Variants in MGARP observed in about 807,000 individuals in gnomAD.
The protein encoded by MGARP is protein MGARP.
A neutral mutation model predicts 11.0 loss-of-function variants in MGARP; 12 were observed. The ratio of observed to expected loss-of-function variants is 1.09; its 90% CI spans 0.70 to 1.77. The LOEUF is 1.77. Among genes scored for constraint, MGARP ranks in the 40% most tolerant of loss-of-function variants. The pLI, the probability that MGARP is intolerant of heterozygous loss-of-function variation, is 0.00. For synonymous variants in MGARP, 110 were observed against 115.4 expected (o/e 0.95, Z 0.30); for missense variants, 283 against 297.8 (o/e 0.95, Z 0.36).
Position 139,272,686 on chromosome 4 carries a change from C to CTTTTTTT in MGARP, c.186+2596_186+2602dup, listed in dbSNP as rs774228171. On this transcript the variant is annotated intron_variant, in intron 2 of 3. Coordinates refer to ENST00000398955, the MANE Select transcript of MGARP (RefSeq NM_032623.4). ...ACTAAACATCTCTTTATTCATATTTCTTTTTTTTTTTTTTTTTTTGAGACG... is the reference window on the plus strand; with the variant it reads ...ACTAAACATCTCTTTATTCATATTTCTTTTTTTTTTTTTTTTTTTTTTTTTTGAGACG... Among the ~76,000 whole-genome samples, 24 of 111,218 alleles carry CTTTTTTT rather than the reference C, an allele frequency of 2.2e-4. 1 individual carries two copies. Among genetic ancestry groups the CTTTTTTT allele is most frequent in the Non-Finnish European group, 3.1e-4 (17 of 55,208 alleles). The allele number at this position is 111,218 out of a possible 152,430, so 73.0% of individuals were successfully genotyped here. A position where few individuals can be genotyped will look rare whatever the true frequency, so the allele number is the denominator to read the frequency against.
At chr4:139,275,999 T>C (rs1744863620) in intron 1 of MGARP, among the ~76,000 whole-genome samples, 1 of 152,202 alleles carries the variant, frequency 6.6e-6, no homozygotes, top group Non-Finnish European at 1.5e-5. Flanking sequence ...TACAATTCTG[T>C]ATAAACTAAT....
intron 3 of MGARP, among the ~76,000 whole-genome samples, chr4:139,268,105 A>G (rs928394920): frequency 2.8e-5 from 4 of 141,930 alleles, no homozygotes; most frequent in African/African-American, 1.0e-4. Context: ...TGACAGAGGG[A>G]GAGCCCGTGG....
intron 3 of MGARP, 65 bp downstream of exon 3, chr4:139,268,607 C>T (rs2110729490): frequency 8.8e-7 from 1 of 1,132,612 alleles, no homozygotes; most frequent in Non-Finnish European, 1.3e-6. Flanking sequence ...CATTGCTAGA[C>T]TAAGTGGATG....
At chr4:139,278,961 C>T (rs897410503) in intron 1 of MGARP, among the ~76,000 whole-genome samples, 1 of 152,012 alleles carries the variant, frequency 6.6e-6, no homozygotes, top group African/African-American at 2.4e-5. Flanking sequence ...GCCTAATCAA[C>T]GTGAAAAAAA....
At chr4:139,269,641 A>AG (rs898871069) in intron 2 of MGARP, among the ~76,000 whole-genome samples, 3 of 151,354 alleles carry the variant, frequency 2.0e-5, no homozygotes, top group African/African-American at 7.3e-5. Flanking sequence ...AAAAAAAAAA[A>AG]AAAAAAGAAA....
intron 2 of MGARP, among the ~76,000 whole-genome samples, chr4:139,270,983 A>G (rs887781802): frequency 6.6e-6 from 1 of 152,178 alleles, no homozygotes; most frequent in Non-Finnish European, 1.5e-5. Flanking sequence ...GGCAAGAAAA[A>G]AGACTAACTT....
Position 139,279,559 on chromosome 4 carries a change from A to G in MGARP, c.82+518T>C, listed in dbSNP as rs1579051106. Among the ~76,000 whole-genome samples the G allele has an allele frequency of 2.6e-5, 4 of 152,244 alleles. No individual in the cohort carries two copies. In the South Asian group the frequency reaches 8.3e-4, roughly 32 times the overall value. ...GGTTAGGTTTATTTACCCCACGAACATTCGCCCAGCGTCCACTGAGCGGGC... is the reference window on the plus strand; with the variant it reads ...GGTTAGGTTTATTTACCCCACGAACGTTCGCCCAGCGTCCACTGAGCGGGC... On this transcript the variant is annotated intron_variant, in intron 1 of 3. Transcript: ENST00000398955.
intron 2 of MGARP, 55 bp from the exon 3 acceptor site, chr4:139,268,820 C>T (rs1310216917): frequency 2.2e-6 from 3 of 1,349,936 alleles, no homozygotes; most frequent in Non-Finnish European, 3.1e-6. Flanking sequence ...TTTGTCACGC[C>T]ACATCCAAAG....
intron 2 of MGARP, among the ~76,000 whole-genome samples, chr4:139,273,805 T>G (rs1744825296): frequency 6.6e-6 from 1 of 152,146 alleles, no homozygotes; most frequent in African/African-American, 2.4e-5. Context: ...TGAGCCACCA[T>G]GACTGGCCTA....
At chr4:139,268,145 G>A (rs540709341) in intron 3 of MGARP, among the ~76,000 whole-genome samples, 1 of 150,966 alleles carries the variant, frequency 6.6e-6, no homozygotes, top group South Asian at 2.1e-4. Context: ...GGGGAAGGAA[G>A]GGAGGGTGGG....
chr4:139,269,294 T>G (rs954416998), intron 2 of MGARP, among the ~76,000 whole-genome samples: 1 of 152,218 alleles, frequency 6.6e-6, no homozygotes, highest in Admixed American at 6.5e-5. Context: ...CATGAAAACC[T>G]GTACACAAAT....
intron 1 of MGARP, among the ~76,000 whole-genome samples, chr4:139,277,994 G>A (rs903532199): frequency 1.3e-5 from 2 of 152,110 alleles, no homozygotes; most frequent in African/African-American, 4.8e-5. Flanking sequence ...TTGGGAGGCC[G>A]AGGTAGGTGG....
chr4:139,276,620 GA>G (rs374432052), intron 1 of MGARP, among the ~76,000 whole-genome samples: 1 of 152,304 alleles, frequency 6.6e-6, no homozygotes, highest in African/African-American at 2.4e-5. Flanking sequence ...GCAGAGGTGG[GA>G]GGATCACTTG....
At chr4:139,270,615 A>AG in intron 2 of MGARP, among the ~76,000 whole-genome samples, 1 of 151,620 alleles carries the variant, frequency 6.6e-6, no homozygotes, top group East Asian at 1.9e-4. Flanking sequence ...TCTGAAAAAA[A>AG]AAAAAAAAAA....
chr4:139,275,745 C>T (rs1415735160), intron 1 of MGARP, among the ~76,000 whole-genome samples: 1 of 152,198 alleles, frequency 6.6e-6, no homozygotes, highest in South Asian at 2.1e-4. Context: ...TACTCCACTA[C>T]AGGATTCAGT....
chr4:139,271,624 C>T (rs928853906), intron 2 of MGARP, among the ~76,000 whole-genome samples: 3 of 152,206 alleles, frequency 2.0e-5, no homozygotes, highest in African/African-American at 7.2e-5. Context: ...GGCTACTAAG[C>T]ATCTGTGGGG....
chr4:139,273,772 C>T (rs984042805), intron 2 of MGARP, among the ~76,000 whole-genome samples: 7 of 152,114 alleles, frequency 4.6e-5, no homozygotes, highest in African/African-American at 1.4e-4. Flanking sequence ...CCTTGACCTC[C>T]CAAAGTGCTG....
At chr4:139,277,508 A>G (rs1225639983) in intron 1 of MGARP, among the ~76,000 whole-genome samples, 1 of 152,236 alleles carries the variant, frequency 6.6e-6, no homozygotes, top group Non-Finnish European at 1.5e-5. Context: ...TTTTTTAAAT[A>G]GAACTAAAAT....
At chr4:139,267,386 A>C (rs1203694978) in intron 3 of MGARP, among the ~76,000 whole-genome samples, 2 of 152,012 alleles carry the variant, frequency 1.3e-5, no homozygotes, top group African/African-American at 2.4e-5. Context: ...TTAAAAAAAA[A>C]CACACTTGAA....
Sources: gnomAD v4.1 joint callset for allele counts (sites outside exome capture counted in the v4.1 genomes callset) on GRCh38, gnomAD v4.1.1 for gene constraint, MANE v1.5 for transcripts, NCBI Gene and HGNC (gene_info 2026-07-23, HGNC 2026-07-21) for gene names.